The following SNTB1 variants were observed in gnomAD, a reference collection of about 807,000 sequenced individuals.
The protein encoded by SNTB1 is syntrophin beta 1.
A neutral mutation model predicts 48.9 loss-of-function variants in SNTB1; 36 were observed. The observed-to-expected ratio is 0.74, with a 90% CI of 0.56 to 0.97. The LOEUF is 0.97. SNTB1 is among the 50% of genes least tolerant of loss of function. The pLI is 0.00. For synonymous variants in SNTB1, 299 were observed against 294.6 expected (o/e 1.01, Z -0.15); for missense variants, 786 against 703.4 (o/e 1.12, Z -1.33).
intron 1 of SNTB1, among the ~76,000 whole-genome samples, chr8:120,732,556 G>C (rs995778536): frequency 1.3e-5 from 2 of 152,160 alleles, no homozygotes; most frequent in Non-Finnish European, 2.9e-5. Flanking sequence ...ACATTTCTTT[G>C]AGACACTTGC....
At position 120,808,069 on chromosome 8, in the gene SNTB1, G is replaced by A. The variant is rs184174233; in HGVS notation, c.571+3204C>T. Among the ~76,000 whole-genome samples the A allele has an allele frequency of 2.8e-3, 425 of 151,928 alleles. 1 individual carries two copies. The highest frequency in any genetic ancestry group is 0.017 in the Middle Eastern group (5 of 294). On this transcript the variant is annotated intron_variant, in intron 1 of 6. Coordinates refer to ENST00000517992, the MANE Select transcript of SNTB1 (RefSeq NM_021021.4). ...AGCTGAGGTTACAGGCATGGGGCAC[G>A]ATGCCTGGCTAATTTTTGTATTTTT...
At chr8:120,654,099 C>G (rs1236423341) in intron 2 of SNTB1, among the ~76,000 whole-genome samples, 1 of 139,392 alleles carries the variant, frequency 7.2e-6, no homozygotes, top group Non-Finnish European at 1.6e-5. Context: ...AAATCTTACT[C>G]CCACTAACAT....
intron 1 of SNTB1, among the ~76,000 whole-genome samples, chr8:120,710,697 G>A (rs1276750163): frequency 6.6e-6 from 1 of 152,126 alleles, no homozygotes; most frequent in East Asian, 1.9e-4. Context: ...CATTCCCTCT[G>A]GAGGACAAAG....
At chr8:120,641,461 C>T (rs1817195831) in intron 2 of SNTB1, among the ~76,000 whole-genome samples, 1 of 152,084 alleles carries the variant, frequency 6.6e-6, no homozygotes, top group Non-Finnish European at 1.5e-5. Context: ...AGGTATTACA[C>T]AAACAAAAGT....
At chr8:120,743,569 G>T (rs1013136230) in intron 1 of SNTB1, among the ~76,000 whole-genome samples, 24 of 152,170 alleles carry the variant, frequency 1.6e-4, no homozygotes, top group African/African-American at 5.6e-4. Flanking sequence ...TTGCAGCAAA[G>T]GTAGAAGTAG....
intron 4 of SNTB1, among the ~76,000 whole-genome samples, chr8:120,571,734 G>T (rs1333833808): frequency 6.6e-6 from 1 of 151,922 alleles, no homozygotes; most frequent in African/African-American, 2.4e-5. Flanking sequence ...CCTGATTTCA[G>T]GTGATCTGCC....
In SNTB1 at chr8:120,590,595, C is replaced by T. The variant is rs532227907; in HGVS notation, c.997-15370G>A. On this transcript the variant is annotated intron_variant, in intron 3 of 6. Transcript: ENST00000517992. ...GGCCCATCACATATGAAAAGACATC[C>T]GCTATCTTATCAGCATATCCTTACA... Among the ~76,000 whole-genome samples the T allele has an allele frequency of 6.5e-4, 99 of 152,232 alleles. 1 individual carries two copies. Among genetic ancestry groups the T allele is most frequent in the African/African-American group, 2.3e-3 (95 of 41,542 alleles).
chr8:120,594,617 T>C (rs1211476610), intron 3 of SNTB1, among the ~76,000 whole-genome samples: 2 of 152,162 alleles, frequency 1.3e-5, no homozygotes, highest in Non-Finnish European at 2.9e-5. Flanking sequence ...CAAGCGATCC[T>C]CCCACCTCAG....
At chr8:120,784,497 C>A (rs1367870058) in intron 1 of SNTB1, among the ~76,000 whole-genome samples, 2 of 152,116 alleles carry the variant, frequency 1.3e-5, no homozygotes, top group Non-Finnish European at 2.9e-5. Flanking sequence ...AGAGTCCTGG[C>A]TGAGTGGGCA....
rs942696866 is a variant in SNTB1 at position 120,640,814 on chromosome 8, A to C, written c.789-8163T>G. ...ATTGAGGATTTTTGCATCATTGTTC[A>C]TCAGGGATATTGGTCTAAAATTCTT... On this transcript the variant is annotated intron_variant, in intron 2 of 6. Coordinates refer to ENST00000517992, the MANE Select transcript of SNTB1 (RefSeq NM_021021.4). Among the ~76,000 whole-genome samples, 4 of 152,198 alleles carry C rather than the reference A, an allele frequency of 2.6e-5. No homozygotes were observed. In the East Asian group the frequency reaches 5.8e-4, roughly 22 times the overall value.
intron 4 of SNTB1, 127 bp from the exon 5 acceptor site, chr8:120,549,085 C>T: frequency 1.4e-6 from 1 of 689,666 alleles, no homozygotes; most frequent in East Asian, 2.8e-5. Flanking sequence ...AAGGGCTCCA[C>T]TATACCCTGC....
chr8:120,653,539 G>A (rs1817444072), intron 2 of SNTB1, among the ~76,000 whole-genome samples: 3 of 152,144 alleles, frequency 2.0e-5, no homozygotes, highest in South Asian at 4.1e-4. Context: ...ACTGTTTTAA[G>A]CCACCCAGTT....
intron 3 of SNTB1, among the ~76,000 whole-genome samples, chr8:120,620,305 G>A (rs1816774226): frequency 6.6e-6 from 1 of 152,158 alleles, no homozygotes; most frequent in Non-Finnish European, 1.5e-5. Context: ...CAATTAAGTT[G>A]TATAAATTAT....
At chr8:120,714,746 A>G (rs1818528076) in intron 1 of SNTB1, among the ~76,000 whole-genome samples, 1 of 152,220 alleles carries the variant, frequency 6.6e-6, no homozygotes, top group Non-Finnish European at 1.5e-5. Flanking sequence ...TAGAAAGTTT[A>G]TTAAAATATC....
At chr8:120,688,771 A>G (rs1219715375) in intron 2 of SNTB1, among the ~76,000 whole-genome samples, 1 of 152,222 alleles carries the variant, frequency 6.6e-6, no homozygotes, top group Non-Finnish European at 1.5e-5. Flanking sequence ...CGGACTATTT[A>G]AAGCCTAAAG....
intron 3 of SNTB1, 32 bp from the exon 4 acceptor site, chr8:120,575,257 C>G (rs1563821414): frequency 1.2e-6 from 2 of 1,613,844 alleles, no homozygotes; most frequent in Non-Finnish European, 1.7e-6. Context: ...TGTCAAATGA[C>G]AGCCTGAGGA....
chr8:120,636,088 A>G, intron 2 of SNTB1: 1 of 466,482 alleles, frequency 2.1e-6, no homozygotes, highest in South Asian at 3.6e-5. Flanking sequence ...TTTATTTCTT[A>G]TAGTTATGAA....
At chr8:120,600,781 C>T (rs1033102575) in intron 3 of SNTB1, among the ~76,000 whole-genome samples, 1 of 151,378 alleles carries the variant, frequency 6.6e-6, no homozygotes, top group African/African-American at 2.4e-5. Flanking sequence ...GGGCTTAGTC[C>T]CAAGGGAATG....
intron 1 of SNTB1, among the ~76,000 whole-genome samples, chr8:120,786,108 G>A (rs1819919992): frequency 6.6e-6 from 1 of 152,228 alleles, no homozygotes; most frequent in African/African-American, 2.4e-5. Context: ...CTAGAGGACA[G>A]GTTATACCAC....
Sources: gnomAD v4.1 joint callset for allele counts (sites outside exome capture counted in the v4.1 genomes callset) on GRCh38, gnomAD v4.1.1 for gene constraint, MANE v1.5 for transcripts, NCBI Gene and HGNC (gene_info 2026-07-23, HGNC 2026-07-21) for gene names.